Variants in SEMA3E observed in about 807,000 individuals in gnomAD.
SEMA3E encodes semaphorin 3E, also known as semaphorin-3E.
Under a neutral mutation model 93.6 loss-of-function variants are expected in SEMA3E, and 49 were observed. That is an observed-to-expected ratio of 0.52 (90% CI 0.42 to 0.66). SEMA3E has a LOEUF of 0.66. Ranked by LOEUF, SEMA3E falls within the 30% of genes least tolerant of loss-of-function variation. The pLI is 0.00. For missense variants in SEMA3E, 906 were observed against 964.8 expected, an observed-to-expected ratio of 0.94 and a Z score of 0.81; for synonymous variants, 363 against 330.7, an observed-to-expected ratio of 1.10 and a Z score of -1.06.
At chr7:83,524,974 T>C (rs1386045726) in intron 1 of SEMA3E, among the ~76,000 whole-genome samples, 3 of 152,010 alleles carry the variant, frequency 2.0e-5, no homozygotes, top group Non-Finnish European at 4.4e-5. Context: ...GAATCCCTTC[T>C]TTCTGGATTG....
chr7:83,417,556 C>T (rs1376532078), intron 5 of SEMA3E, among the ~76,000 whole-genome samples: 9 of 152,098 alleles, frequency 5.9e-5, no homozygotes, highest in Non-Finnish European at 1.3e-4. Context: ...CAACCTTGCA[C>T]ATCTGCACCA....
chr7:83,488,676 A>C (rs1790318215), intron 2 of SEMA3E, among the ~76,000 whole-genome samples: 1 of 152,124 alleles, frequency 6.6e-6, no homozygotes, highest in Admixed American at 6.6e-5. Flanking sequence ...GCAACATGGC[A>C]GACTATAGGT....
In SEMA3E at chr7:83,619,885, T is replaced by TA. The variant is rs1401405502; in HGVS notation, c.115+28542_115+28543insT. 1.6e-5 allele frequency among the ~76,000 whole-genome samples: 2 copies of TA among 126,770 alleles called. 1 individual carries two copies. The highest frequency in any genetic ancestry group is 5.3e-4 in the South Asian group (2 of 3,740). 83.2% of individuals were successfully genotyped at this position (126,770 alleles called of 152,430 possible). A position where few individuals can be genotyped will look rare whatever the true frequency, so the allele number is the denominator to read the frequency against. ...CTGTGGACAGAGATAGATAGATAGA[T>TA]GATAGATAGATAGATAGACAGATAG... On this transcript the variant is annotated intron_variant, in intron 1 of 16. Transcript: ENST00000643230.
chr7:83,648,534 G>T lies in SEMA3E; in HGVS notation c.9C>A (p.Ser3=), dbSNP rs754589877. The change falls in exon 1 of 17, where the codon TCC becomes TCA. Residue 3 remains serine (S), a synonymous_variant. Transcript: ENST00000643230. The stretch of plus-strand genomic sequence containing the variant: ...GGAGCAAGGTGATAATGTGCCCCGC[G>T]GATGCCATGCTGCCGTGTTCACCGT... MA[S]AGHIITLLLW... 1.2e-6 allele frequency: 2 copies of T among 1,613,080 alleles called. No individual in the cohort carries two copies. Among genetic ancestry groups the T allele is most frequent in the South Asian group, 2.2e-5 (2 of 91,030 alleles).
intron 4 of SEMA3E, among the ~76,000 whole-genome samples, chr7:83,430,844 TA>T (rs1788866489): frequency 6.6e-6 from 1 of 151,730 alleles, no homozygotes; most frequent in South Asian, 2.1e-4. Context: ...TAAAGTAAAA[TA>T]AAAATGAAAG....
chr7:83,516,986 C>T (rs1418256334), intron 1 of SEMA3E, among the ~76,000 whole-genome samples: 1 of 150,606 alleles, frequency 6.6e-6, no homozygotes, highest in East Asian at 1.9e-4. Context: ...AGGGAATTTG[C>T]TACTGTCAGA....
chr7:83,577,351 A>G (rs543611543), intron 1 of SEMA3E, among the ~76,000 whole-genome samples: 1 of 152,242 alleles, frequency 6.6e-6, no homozygotes, highest in Admixed American at 6.5e-5. Flanking sequence ...GCTTTCAATA[A>G]TCATTACTCT....
chr7:83,587,940 A>G lies in SEMA3E; in HGVS notation c.115+60488T>C, dbSNP rs553659196. On this transcript the variant is annotated intron_variant, in intron 1 of 16. Transcript: ENST00000643230. ...ATATTTTTATAACCTTTTATACTTC[A>G]GTTATCACTAGATTAATTTGCTTAT... Among the ~76,000 whole-genome samples the G allele has an allele frequency of 2.0e-5, 3 of 152,238 alleles. No individual in the cohort carries two copies. In the South Asian group the frequency reaches 6.2e-4, roughly 32 times the overall value.
At chr7:83,644,219 C>T (rs1794051022) in intron 1 of SEMA3E, among the ~76,000 whole-genome samples, 1 of 150,854 alleles carries the variant, frequency 6.6e-6, no homozygotes, top group African/African-American at 2.4e-5. Context: ...ATATATAGGC[C>T]ATGAATCTTG....
intron 4 of SEMA3E, among the ~76,000 whole-genome samples, chr7:83,442,693 T>C (rs1243980201): frequency 3.3e-5 from 5 of 152,154 alleles, no homozygotes; most frequent in African/African-American, 7.2e-5. Flanking sequence ...CCTTTTTCCC[T>C]ACAACTGTAT....
chr7:83,533,370 C>A (rs920307332), intron 1 of SEMA3E, among the ~76,000 whole-genome samples: 5 of 152,010 alleles, frequency 3.3e-5, no homozygotes, highest in Non-Finnish European at 7.4e-5. Context: ...GGCAAAACCC[C>A]ATCTCTACCG....
chr7:83,464,843 G>A (rs1789715835), intron 4 of SEMA3E, among the ~76,000 whole-genome samples: 1 of 148,112 alleles, frequency 6.8e-6, no homozygotes, highest in Non-Finnish European at 1.5e-5. Flanking sequence ...GAGAAACATC[G>A]CCCATTCTCT....
At chr7:83,601,309 G>A (rs903893879) in intron 1 of SEMA3E, among the ~76,000 whole-genome samples, 1 of 152,198 alleles carries the variant, frequency 6.6e-6, no homozygotes, top group East Asian at 1.9e-4. Flanking sequence ...TAATACAAGA[G>A]TCAACAGACT....
At position 83,366,154 on chromosome 7, in the gene SEMA3E, C is replaced by A. The variant is rs938577830; in HGVS notation, c.*1432G>T. 1 of 151,990 alleles carries A rather than the reference C, an allele frequency of 6.6e-6. No homozygotes were observed. Among genetic ancestry groups the A allele is most frequent in the African/African-American group, 2.4e-5 (1 of 41,410 alleles). The allele number at this position is 151,990 out of a possible 1,614,324, so 9.4% of individuals were successfully genotyped here. A position where few individuals can be genotyped will look rare whatever the true frequency, so the allele number is the denominator to read the frequency against. Reference sequence around the variant, plus strand: ...CTTAAATGTATAACCTATAAGCTAACTTTGAAAACTGAAATAAACACTGTT... The same window carrying A: ...CTTAAATGTATAACCTATAAGCTAAATTTGAAAACTGAAATAAACACTGTT... On this transcript the variant is annotated 3_prime_UTR_variant, in exon 17 of 17. Transcript: ENST00000643230.
At chr7:83,580,833 A>G (rs12672753) in intron 1 of SEMA3E, among the ~76,000 whole-genome samples, 32,345 of 151,830 alleles carry the variant, frequency 0.21, 3,613 homozygotes, top group Middle Eastern at 0.29. Flanking sequence ...TAAGGCACTA[A>G]ATGCTGTGAA....
intron 1 of SEMA3E, among the ~76,000 whole-genome samples, chr7:83,510,207 A>G (rs1386153424): frequency 6.6e-6 from 1 of 152,158 alleles, no homozygotes; most frequent in South Asian, 2.1e-4. Flanking sequence ...CTCCATTTTT[A>G]ATTAAGCAAG....
chr7:83,441,332 G>A (rs1008480544), intron 4 of SEMA3E, among the ~76,000 whole-genome samples: 1 of 152,148 alleles, frequency 6.6e-6, no homozygotes, highest in East Asian at 1.9e-4. Context: ...CATTTCATAT[G>A]GGGAATGTGA....
chr7:83,623,507 A>G (rs1234202850), intron 1 of SEMA3E, among the ~76,000 whole-genome samples: 1 of 152,112 alleles, frequency 6.6e-6, no homozygotes, highest in Non-Finnish European at 1.5e-5. Flanking sequence ...GAGATTCATA[A>G]GTATACGTTA....
chr7:83,417,266 T>A (rs954762837), intron 5 of SEMA3E, among the ~76,000 whole-genome samples: 21 of 151,960 alleles, frequency 1.4e-4, no homozygotes, highest in African/African-American at 5.1e-4. Flanking sequence ...AAAGCTTTAC[T>A]TTTTTACACC....
Sources: allele counts gnomAD v4.1 joint callset (sites outside exome capture counted in the v4.1 genomes callset), GRCh38; gene constraint gnomAD v4.1.1; transcripts MANE v1.5; gene names NCBI Gene and HGNC (gene_info 2026-07-23, HGNC 2026-07-21).